SCN1A: variants seen among roughly 807,000 people sequenced by gnomAD.
The protein encoded by SCN1A is sodium channel protein type 1 subunit alpha.
Under a neutral mutation model 193.7 loss-of-function variants are expected in SCN1A, and 13 were observed. The ratio of observed to expected loss-of-function variants is 0.07; its 90% CI spans 0.04 to 0.11. The LOEUF is 0.11. SCN1A is among the 10% of genes least tolerant of loss of function. The probability of loss-of-function intolerance (pLI) is 1.00; values close to 1 mark genes in which losing one functional copy is unlikely to be tolerated. For synonymous variants in SCN1A, 781 were observed against 843.6 expected (o/e 0.93, Z 1.29); for missense variants, 1,432 against 2,451.1 (o/e 0.58, Z 8.78).
intron 5 of SCN1A, among the ~76,000 whole-genome samples, 171 bp from the exon 6 acceptor site, chr2:166,056,671 G>A (rs1377856373): frequency 1.3e-5 from 2 of 151,982 alleles, no homozygotes; most frequent in Non-Finnish European, 2.9e-5. Context: ...TGTAAAATGT[G>A]GGTAATAATA....
intron 4 of SCN1A, chr2:166,073,157 G>T (rs920279955): frequency 2.1e-5 from 13 of 624,680 alleles, no homozygotes; most frequent in South Asian, 4.3e-5. Context: ...TTGTCATGGT[G>T]CATTTGGGAC....
intron 2 of SCN1A, among the ~76,000 whole-genome samples, chr2:166,096,862 C>T (rs12469308): frequency 0.2 from 29,954 of 151,984 alleles, 3,644 homozygotes; most frequent in East Asian, 0.37. Flanking sequence ...GATGAAAGTC[C>T]TAAAGTTCTT....
intron 2 of SCN1A, among the ~76,000 whole-genome samples, chr2:166,119,546 G>A (rs1438270208): frequency 1.3e-5 from 2 of 152,092 alleles, no homozygotes; most frequent in African/African-American, 4.8e-5. Context: ...AATAGTAGAT[G>A]TTTTATAAAT....
At chr2:166,124,546 C>CA (rs1691018447) in intron 2 of SCN1A, among the ~76,000 whole-genome samples, 1 of 151,746 alleles carries the variant, frequency 6.6e-6, no homozygotes, top group East Asian at 1.9e-4. Flanking sequence ...GACTCTGTCT[C>CA]AAAAAAACAA....
At chr2:166,142,307 T>A (rs1692121473) in intron 1 of SCN1A, among the ~76,000 whole-genome samples, 1 of 152,210 alleles carries the variant, frequency 6.6e-6, no homozygotes, top group Non-Finnish European at 1.5e-5. Context: ...ATCTGTTTCT[T>A]GTCAGGGCAT....
At chr2:166,143,206 G>A (rs189182654) in intron 1 of SCN1A, among the ~76,000 whole-genome samples, 3,389 of 125,836 alleles carry the variant, frequency 0.027, 141 homozygotes, top group African/African-American at 0.1. Flanking sequence ...TCGCTCTGTC[G>A]CCCAGGCTGG....
At chr2:166,062,209 A>G (rs1824551) in intron 4 of SCN1A, among the ~76,000 whole-genome samples, 70,244 of 151,954 alleles carry the variant, frequency 0.46, 17,811 homozygotes, top group East Asian at 0.72. Flanking sequence ...ATGCTTATGT[A>G]CAAACTTCAT....
intron 1 of SCN1A, among the ~76,000 whole-genome samples, chr2:166,140,805 T>A (rs1392398461): frequency 6.6e-6 from 1 of 152,204 alleles, no homozygotes; most frequent in African/African-American, 2.4e-5. Flanking sequence ...GCTTTTCGGC[T>A]CTGCTTGATG....
chr2:166,068,842 CA>C (rs1187715450), intron 4 of SCN1A, among the ~76,000 whole-genome samples: 1 of 152,152 alleles, frequency 6.6e-6, no homozygotes, highest in Non-Finnish European at 1.5e-5. Context: ...CCATAATTAA[CA>C]AACATCCATT....
intron 26 of SCN1A, among the ~76,000 whole-genome samples, chr2:165,996,699 G>A (rs1690112755): frequency 6.6e-6 from 1 of 151,342 alleles, no homozygotes; most frequent in Non-Finnish European, 1.5e-5. Flanking sequence ...TGGAACACTG[G>A]CAAGTAAGTG....
chr2:166,093,548 T>C (rs1387349167), intron 2 of SCN1A, among the ~76,000 whole-genome samples: 1 of 152,158 alleles, frequency 6.6e-6, no homozygotes, highest in Non-Finnish European at 1.5e-5. Flanking sequence ...TTTCACCGTG[T>C]TAGCTAGGAT....
At chr2:166,064,465 C>A (rs1056341904) in intron 4 of SCN1A, among the ~76,000 whole-genome samples, 3 of 152,076 alleles carry the variant, frequency 2.0e-5, no homozygotes, top group African/African-American at 7.2e-5. Context: ...TGAAATCTTG[C>A]CCCTTGATCT....
In SCN1A at chr2:166,002,622, G is replaced by A. The variant is rs1691064482; in HGVS notation, c.4134C>T (p.Asn1378=). 6.2e-7 allele frequency: 1 copy of A among 1,612,010 alleles called. No individual in the cohort carries two copies. Among genetic ancestry groups the A allele is most frequent in the Non-Finnish European group, 8.5e-7 (1 of 1,178,788 alleles). ...LFAGKFYHCI[N]TTTGDRFDIE... The stretch of plus-strand genomic sequence containing the variant: ...TGTCAAACCTGTCACCAGTTGTGGT[G>A]TTAATACAGTGGTAGAATTTGCCAG... The change falls in exon 24 of 29, where the codon AAC becomes AAT. Residue 1378 remains asparagine, a synonymous_variant. Transcript: ENST00000674923.
chr2:166,011,383 A>G (rs1221250932), intron 22 of SCN1A, among the ~76,000 whole-genome samples: 1 of 151,110 alleles, frequency 6.6e-6, no homozygotes, highest in Non-Finnish European at 1.5e-5. Context: ...ACTTTAACAC[A>G]TCTTGAAGTC....
chr2:166,073,790 G>A (rs1473212919), intron 3 of SCN1A, 120 bp from the exon 4 acceptor site: 1 of 793,524 alleles, frequency 1.3e-6, no homozygotes, highest in Non-Finnish European at 1.9e-6. Context: ...TAAATTGAAA[G>A]GTGATTTCTA....
intron 24 of SCN1A, 140 bp from the exon 25 acceptor site, chr2:165,999,916 G>T: frequency 1.4e-6 from 1 of 735,448 alleles, no homozygotes; most frequent in South Asian, 1.5e-5. Context: ...ACAGATTTTG[G>T]ACCAAGACAG....
chr2:166,137,985 T>G (rs1461852126), intron 1 of SCN1A, among the ~76,000 whole-genome samples: 2 of 152,166 alleles, frequency 1.3e-5, no homozygotes, highest in Non-Finnish European at 2.9e-5. Flanking sequence ...GTGACTCTTG[T>G]TATATTTTAG....
intron 2 of SCN1A, among the ~76,000 whole-genome samples, chr2:166,125,336 AG>A (rs1691117726): frequency 6.6e-6 from 1 of 152,186 alleles, no homozygotes; most frequent in African/African-American, 2.4e-5. Flanking sequence ...TGGCGAGTAC[AG>A]GGAGAAAATA....
At chr2:166,060,415 T>C (rs1279650871) in intron 4 of SCN1A, 1 of 152,176 alleles carries the variant, frequency 6.6e-6, no homozygotes, top group Non-Finnish European at 1.5e-5. Context: ...GCAATGCAAA[T>C]GCCTTTGCTG....
Sources: gnomAD v4.1 joint callset for allele counts (sites outside exome capture counted in the v4.1 genomes callset) on GRCh38, gnomAD v4.1.1 for gene constraint, MANE v1.5 for transcripts, NCBI Gene and HGNC (gene_info 2026-07-23, HGNC 2026-07-21) for gene names.